The following OTOP1 variants were observed in gnomAD, a reference collection of about 807,000 sequenced individuals.
OTOP1 encodes otopetrin 1, also known as proton channel OTOP1.
OTOP1 carries 59 observed loss-of-function variants against 52.9 expected under a neutral mutation model. The ratio of observed to expected loss-of-function variants is 1.12; its 90% CI spans 0.91 to 1.39. The LOEUF is 1.39. OTOP1 is among the 40% of genes most tolerant of loss of function. The pLI, the probability that OTOP1 is intolerant of heterozygous loss-of-function variation, is 0.00. For missense variants in OTOP1, 761 were observed against 800.9 expected, an observed-to-expected ratio of 0.95 and a Z score of 0.60; for synonymous variants, 317 against 337.7, an observed-to-expected ratio of 0.94 and a Z score of 0.67.
At chr4:4,224,176 G>C (rs1410914915) in intron 1 of OTOP1, among the ~76,000 whole-genome samples, 1 of 151,760 alleles carries the variant, frequency 6.6e-6, no homozygotes. Flanking sequence ...ATGAAACCCC[G>C]TCTCTACTAA....
chr4:4,197,955 C>T lies in OTOP1; in HGVS notation c.879G>A (p.Gly293=). 1 of 1,614,040 alleles carries T rather than the reference C, an allele frequency of 6.2e-7. No individual in the cohort carries two copies. Among genetic ancestry groups the T allele is most frequent in the Non-Finnish European group, 8.5e-7 (1 of 1,180,004 alleles). The change falls in exon 5 of 6, where the codon GGG becomes GGA. Residue 293 remains glycine, a synonymous_variant. Coordinates refer to ENST00000296358, the MANE Select transcript of OTOP1 (RefSeq NM_177998.3). ...GGTGCTGATGGCTGTCAACTTTGCG[C>T]CCGATGTTCTTCCACAGGACGTAGA... ...TMLYVLWKNI[G]RKVDSHQHQK... is the part of the protein sequence containing the mutation.
At chr4:4,193,998 A>G (rs908347201) in intron 5 of OTOP1, among the ~76,000 whole-genome samples, 1 of 152,112 alleles carries the variant, frequency 6.6e-6, no homozygotes, top group Non-Finnish European at 1.5e-5. Flanking sequence ...GACCACCCTG[A>G]CCAACCTAGT....
intron 1 of OTOP1, among the ~76,000 whole-genome samples, chr4:4,218,689 A>C (rs929769315): frequency 1.3e-5 from 2 of 152,142 alleles, no homozygotes; most frequent in African/African-American, 4.8e-5. Flanking sequence ...GCACTTTGGG[A>C]GGCCAAGATG....
At chr4:4,226,046 G>A (rs1577187727) in intron 1 of OTOP1, among the ~76,000 whole-genome samples, 1 of 152,222 alleles carries the variant, frequency 6.6e-6, no homozygotes, top group African/African-American at 2.4e-5. Flanking sequence ...GAGAAAGTTC[G>A]CGAGAATGAC....
At chr4:4,220,104 TA>T (rs1225726172) in intron 1 of OTOP1, among the ~76,000 whole-genome samples, 30,432 of 64,730 alleles carry the variant, frequency 0.47, 6,202 homozygotes, top group South Asian at 0.53. Context: ...TATATATATA[TA>T]TTTTTTTTTT....
At position 4,219,455 on chromosome 4, in the gene OTOP1, A is replaced by G. The variant is rs1170578340; in HGVS notation, c.404-6451T>C. 2.6e-5 allele frequency among the ~76,000 whole-genome samples: 4 copies of G among 152,054 alleles called. No homozygotes were observed. In the East Asian group the frequency reaches 7.7e-4, roughly 29 times the overall value. On this transcript the variant is annotated intron_variant, in intron 1 of 5. Transcript: ENST00000296358. ...GGTGGCTCACGCCTGTAATCCCAGC[A>G]CTTTGGGAGGCCGAGGCGGGCGGAT...
chr4:4,198,232 G>C (rs185022852), intron 4 of OTOP1, 129 bp from the exon 5 acceptor site: 3 of 719,432 alleles, frequency 4.2e-6, no homozygotes, highest in Non-Finnish European at 6.9e-6. Flanking sequence ...GCTTTATCAT[G>C]TCATAGCTTA....
intron 5 of OTOP1, among the ~76,000 whole-genome samples, chr4:4,193,938 A>C (rs552352756): frequency 1.3e-5 from 2 of 152,204 alleles, no homozygotes; most frequent in Admixed American, 6.5e-5. Context: ...CCGTAATCCC[A>C]GCACTTTGGG....
intron 3 of OTOP1, among the ~76,000 whole-genome samples, chr4:4,204,832 C>A (rs1388527027): frequency 6.6e-6 from 1 of 151,874 alleles, no homozygotes; most frequent in Admixed American, 6.6e-5. Flanking sequence ...AGTGCAGTGG[C>A]GTGATCTCGG....
At chr4:4,211,362 T>C (rs1192004269) in intron 2 of OTOP1, among the ~76,000 whole-genome samples, 6 of 152,166 alleles carry the variant, frequency 3.9e-5, no homozygotes, top group Non-Finnish European at 7.3e-5. Flanking sequence ...GTCTTCCAGG[T>C]GACTTGTCAG....
chr4:4,191,828 T>A (rs965763382), intron 5 of OTOP1, among the ~76,000 whole-genome samples: 6 of 152,130 alleles, frequency 3.9e-5, no homozygotes, highest in African/African-American at 1.4e-4. Flanking sequence ...GAGATCTTGG[T>A]CATTGCTGTA....
At chr4:4,210,416 A>C (rs1560208872) in intron 2 of OTOP1, among the ~76,000 whole-genome samples, 1 of 152,212 alleles carries the variant, frequency 6.6e-6, no homozygotes, top group Non-Finnish European at 1.5e-5. Flanking sequence ...CTAGAAATCC[A>C]AGATCAAGGT....
At chr4:4,220,010 T>C (rs1185531273) in intron 1 of OTOP1, among the ~76,000 whole-genome samples, 23 of 51,094 alleles carry the variant, frequency 4.5e-4, no homozygotes, top group Admixed American at 8.6e-4. Flanking sequence ...TACATATATA[T>C]GTATATACAT....
intron 4 of OTOP1, among the ~76,000 whole-genome samples, chr4:4,199,983 C>A (rs1199052184): frequency 3.3e-5 from 5 of 151,962 alleles, no homozygotes; most frequent in African/African-American, 1.2e-4. Context: ...TAGGTACATG[C>A]GTGTTTGGAT....
rs57282178 is a variant in OTOP1, at chr4:4,199,980, A to T, written c.731-1877T>A. Among the ~76,000 whole-genome samples, 114 of 152,346 alleles carry T rather than the reference A, an allele frequency of 7.5e-4. 1 individual carries two copies. The East Asian group carries it at 0.017, about 23-fold the overall frequency. Reference sequence around the variant, plus strand: ...TCATCAAGCATACACACATAGGTACATGCGTGTTTGGATTACAATGTAAAA... The same window carrying T: ...TCATCAAGCATACACACATAGGTACTTGCGTGTTTGGATTACAATGTAAAA... On this transcript the variant is annotated intron_variant, in intron 4 of 5. Transcript: ENST00000296358.
chr4:4,205,600 G>T (rs1368148744), intron 3 of OTOP1, among the ~76,000 whole-genome samples: 2 of 152,192 alleles, frequency 1.3e-5, no homozygotes, highest in Middle Eastern at 6.8e-3. Flanking sequence ...TCGAAGCAAG[G>T]CCCCTAAACC....
At chr4:4,205,160 C>T (rs1716873685) in intron 3 of OTOP1, among the ~76,000 whole-genome samples, 1 of 152,212 alleles carries the variant, frequency 6.6e-6, no homozygotes, top group South Asian at 2.1e-4. Context: ...CCATCCTCAC[C>T]ATCCCCTGGG....
In OTOP1 at chr4:4,226,517, C is replaced by A. The variant is rs1179780750; in HGVS notation, c.348G>T (p.Ala116=). ...WMLWYVGRSS[A]HRRLFRLKDT... Reference sequence around the variant, plus strand: ...CCTTGAGGCGGAAGAGGCGGCGGTGCGCGGAGCTGCGGCCCACGTACCACA... The same window carrying A: ...CCTTGAGGCGGAAGAGGCGGCGGTGAGCGGAGCTGCGGCCCACGTACCACA... The change falls in exon 1 of 6, where the codon GCG becomes GCT. Residue 116 remains alanine, a synonymous_variant. Transcript: ENST00000296358. The A allele has an allele frequency of 1.0e-5, 16 of 1,587,398 alleles. No homozygotes were observed. The highest frequency in any genetic ancestry group is 1.3e-5 in the Non-Finnish European group (15 of 1,173,276).
rs1367722437 is a variant in OTOP1 at position 4,188,901 on chromosome 4, C to A, written c.1741G>T (p.Glu581Ter). Reference sequence around the variant, plus strand: ...AGGTTGACCACAATTATCCAGGGTTCAAAGCCAAAGACAATCTCCTCCAAT... The same window carrying A: ...AGGTTGACCACAATTATCCAGGGTTAAAAGCCAAAGACAATCTCCTCCAAT... ...NGLEEIVFGF[E>*]PWIIVVNLAM... Residue 581 changes from glutamate (E) to a stop codon, truncating the protein, a stop_gained, in exon 6 of 6, where the codon GAA becomes TAA. Transcript: ENST00000296358. LOFTEE classifies it high-confidence loss of function. The A allele has an allele frequency of 6.2e-7, 1 of 1,613,784 alleles. No homozygotes were observed. The highest frequency in any genetic ancestry group is 8.5e-7 in the Non-Finnish European group (1 of 1,179,830).
Sources: allele counts gnomAD v4.1 joint callset (sites outside exome capture counted in the v4.1 genomes callset), GRCh38; gene constraint gnomAD v4.1.1; transcripts MANE v1.5; gene names NCBI Gene and HGNC (gene_info 2026-07-23, HGNC 2026-07-21).